Variants in EPB41L5 observed in about 807,000 individuals in gnomAD.
EPB41L5 encodes the protein band 4.1-like protein 5.
A neutral mutation model predicts 106.6 loss-of-function variants in EPB41L5; 55 were observed. That is an observed-to-expected ratio of 0.52 (90% confidence interval 0.42 to 0.65). EPB41L5 has a LOEUF of 0.65. EPB41L5 is among the 30% of genes least tolerant of loss of function. The pLI, the probability that EPB41L5 is intolerant of heterozygous loss-of-function variation, is 0.00. For missense variants in EPB41L5, 871 were observed against 882.1 expected (o/e 0.99, Z 0.16); for synonymous variants, 297 against 306.7 (o/e 0.97, Z 0.33).
intron 20 of EPB41L5, among the ~76,000 whole-genome samples, chr2:120,155,658 G>A (rs1337177537): frequency 6.6e-6 from 1 of 151,970 alleles, no homozygotes; most frequent in Non-Finnish European, 1.5e-5. Flanking sequence ...TGTCCCACAA[G>A]TTTCTCAAGC....
chr2:120,128,708 GT>G (rs397941666), intron 17 of EPB41L5, among the ~76,000 whole-genome samples: 347 of 140,908 alleles, frequency 2.5e-3, no homozygotes, highest in South Asian at 4.3e-3. Context: ...GTACATCATG[GT>G]TTTTTTTTTT....
At chr2:120,069,725 A>G (rs1681726972) in intron 3 of EPB41L5, among the ~76,000 whole-genome samples, 1 of 152,190 alleles carries the variant, frequency 6.6e-6, no homozygotes, top group Non-Finnish European at 1.5e-5. Context: ...CTACTGGGTA[A>G]ATAATGAAAT....
intron 21 of EPB41L5, among the ~76,000 whole-genome samples, chr2:120,163,979 AC>A: frequency 2.5e-5 from 1 of 39,406 alleles, no homozygotes; most frequent in East Asian, 6.3e-4. Context: ...TTTTGTATTT[AC>A]TTTTTTTTTT....
chr2:120,146,440 C>G (rs1686408889), intron 20 of EPB41L5, 151 bp downstream of exon 20: 1 of 534,376 alleles, frequency 1.9e-6, no homozygotes, highest in South Asian at 3.0e-5. Context: ...CACTTAGTAC[C>G]TAGTTTTATA....
chr2:120,152,233 C>G (rs898469333), intron 20 of EPB41L5, among the ~76,000 whole-genome samples: 1 of 152,100 alleles, frequency 6.6e-6, no homozygotes, highest in African/African-American at 2.4e-5. Context: ...AAAAGTGTTG[C>G]ATTTTTGTTA....
chr2:120,076,390 G>A (rs1184013446), intron 7 of EPB41L5, among the ~76,000 whole-genome samples: 2 of 150,714 alleles, frequency 1.3e-5, no homozygotes, highest in Non-Finnish European at 2.9e-5. Context: ...GCTCTCTGAA[G>A]CCTTGAACTA....
At chr2:120,063,283 A>G (rs1424535346) in intron 3 of EPB41L5, among the ~76,000 whole-genome samples, 1 of 150,376 alleles carries the variant, frequency 6.6e-6, no homozygotes, top group Non-Finnish European at 1.5e-5. Context: ...CAGAGGTTGC[A>G]GTGAGTTGAG....
intron 2 of EPB41L5, among the ~76,000 whole-genome samples, chr2:120,024,215 T>G (rs1678147116): frequency 6.6e-6 from 1 of 152,192 alleles, no homozygotes; most frequent in Non-Finnish European, 1.5e-5. Context: ...CAATACTATG[T>G]TGAATAGGAG....
In EPB41L5 at chr2:120,026,321, A is replaced by G. The variant is rs555291919; in HGVS notation, c.180+7057A>G. ...CATCACCTCAAACATTTAGGAGTAAATCTTTAGATCTTAGATTTGGCACCA... is the reference window on the plus strand; with the variant it reads ...CATCACCTCAAACATTTAGGAGTAAGTCTTTAGATCTTAGATTTGGCACCA... On this transcript the variant is annotated intron_variant, in intron 2 of 24. Coordinates refer to ENST00000263713, the MANE Select transcript of EPB41L5 (RefSeq NM_020909.4). Among the ~76,000 whole-genome samples the G allele has an allele frequency of 2.0e-5, 3 of 152,196 alleles. No individual in the cohort carries two copies. The East Asian group carries it at 5.8e-4, about 29-fold the overall frequency.
intron 14 of EPB41L5, among the ~76,000 whole-genome samples, chr2:120,097,462 A>C (rs1683833938): frequency 6.6e-6 from 1 of 152,186 alleles, no homozygotes. Flanking sequence ...TAAAATGCCC[A>C]TTTGAATAAC....
At position 120,177,031 on chromosome 2, in the gene EPB41L5, A is replaced by G. The variant is rs1460742965; in HGVS notation, c.*2124A>G. Reference sequence around the variant, plus strand: ...CCTGACATGAAGTGGCAAACACGGAAGTTCATACTTGAATGCTGAATTGGC... The same window carrying G: ...CCTGACATGAAGTGGCAAACACGGAGGTTCATACTTGAATGCTGAATTGGC... On this transcript the variant is annotated 3_prime_UTR_variant, in exon 25 of 25. Coordinates refer to ENST00000263713, the MANE Select transcript of EPB41L5 (RefSeq NM_020909.4). The G allele has an allele frequency of 6.6e-6, 1 of 152,170 alleles. No homozygotes were observed. The highest frequency in any genetic ancestry group is 2.4e-5 in the African/African-American group (1 of 41,440). 9.4% of individuals were successfully genotyped at this position (152,170 alleles called of 1,614,324 possible).
chr2:120,109,973 G>A (rs924341765), intron 16 of EPB41L5, among the ~76,000 whole-genome samples: 1 of 152,210 alleles, frequency 6.6e-6, no homozygotes, highest in African/African-American at 2.4e-5. Flanking sequence ...CCAGCAGATG[G>A]CACTAAGTGT....
chr2:120,048,056 G>T (rs560328238), intron 3 of EPB41L5, among the ~76,000 whole-genome samples: 3 of 152,234 alleles, frequency 2.0e-5, no homozygotes, highest in African/African-American at 7.2e-5. Context: ...TCCTGGATTC[G>T]GTTTGCCAGT....
chr2:120,117,854 C>CG (rs1157556462), intron 16 of EPB41L5, among the ~76,000 whole-genome samples: 2 of 152,166 alleles, frequency 1.3e-5, no homozygotes, highest in African/African-American at 4.8e-5. Context: ...CCCCTGCCCC[C>CG]TCCCCATTTT....
chr2:120,107,044 G>A (rs1684495495), intron 16 of EPB41L5: 4 of 480,424 alleles, frequency 8.3e-6, no homozygotes, highest in Non-Finnish European at 1.1e-5. Flanking sequence ...GCCAAAAAAT[G>A]TTATTTATAA....
rs370091813 is a variant in EPB41L5, at chr2:120,110,206, C to G, written c.1337+9392C>G. ...TAGCATTCAGAAATCGCTCACTTCA[C>G]GAAATTGTCATCACCTAGCTTAGAG... On this transcript the variant is annotated intron_variant, in intron 16 of 24. Transcript: ENST00000263713. Among the ~76,000 whole-genome samples the G allele has an allele frequency of 5.3e-5, 8 of 152,314 alleles. No homozygotes were observed. The East Asian group carries it at 5.8e-4, about 11-fold the overall frequency.
intron 16 of EPB41L5, chr2:120,104,683 TA>T (rs1684346468): frequency 1.0e-6 from 1 of 983,440 alleles, no homozygotes; most frequent in Non-Finnish European, 1.2e-6. Context: ...AGATATTTAT[TA>T]AAAACTTGTT....
chr2:120,029,848 A>T (rs1678583346), intron 2 of EPB41L5, among the ~76,000 whole-genome samples: 1 of 152,168 alleles, frequency 6.6e-6, no homozygotes, highest in East Asian at 1.9e-4. Context: ...GCATACACTC[A>T]GCTGCAAAGC....
At chr2:120,102,156 T>G (rs554491859) in intron 16 of EPB41L5, among the ~76,000 whole-genome samples, 4 of 152,260 alleles carry the variant, frequency 2.6e-5, no homozygotes, top group South Asian at 2.1e-4. Flanking sequence ...GGAGTGAGGG[T>G]CTGATTAGTT....
Sources: gnomAD v4.1 joint callset for allele counts (sites outside exome capture counted in the v4.1 genomes callset) on GRCh38, gnomAD v4.1.1 for gene constraint, MANE v1.5 for transcripts, NCBI Gene and HGNC (gene_info 2026-07-23, HGNC 2026-07-21) for gene names.